The following KCNJ9 variants were observed in gnomAD, a reference collection of about 807,000 sequenced individuals.
KCNJ9 encodes potassium inwardly rectifying channel subfamily J member 9, also known as G protein-activated inward rectifier potassium channel 3.
Under a neutral mutation model 27.9 loss-of-function variants are expected in KCNJ9, and 18 were observed. The ratio of observed to expected loss-of-function variants is 0.65; its 90% CI spans 0.45 to 0.96. The LOEUF (loss-of-function observed/expected upper bound fraction) is 0.96, where lower values mean the gene tolerates loss of function less well. KCNJ9 is among the 40% of genes least tolerant of loss of function. The pLI, the probability that KCNJ9 is intolerant of heterozygous loss-of-function variation, is 0.00. For synonymous variants in KCNJ9, 229 were observed against 248.2 expected (o/e 0.92, Z 0.73); for missense variants, 324 against 557.5 (o/e 0.58, Z 4.22).
chr1:160,083,259 G>A (rs890016106), intron 1 of KCNJ9, among the ~76,000 whole-genome samples: 3 of 152,204 alleles, frequency 2.0e-5, no homozygotes, highest in Non-Finnish European at 4.4e-5. Flanking sequence ...AGGATTTCTA[G>A]TGGGAATTTC....
At chr1:160,085,415 G>A (rs1649759528) in intron 2 of KCNJ9, among the ~76,000 whole-genome samples, 1 of 152,214 alleles carries the variant, frequency 6.6e-6, no homozygotes, top group Non-Finnish European at 1.5e-5. Context: ...GAGGGGTTAG[G>A]TTCAGGGGTT....
In KCNJ9 at chr1:160,087,790, AC is replaced by A; in HGVS notation, c.1160del (p.Pro387GlnfsTer61). On this transcript the variant is annotated frameshift_variant, in exon 3 of 3. Coordinates refer to ENST00000368088, the MANE Select transcript of KCNJ9 (RefSeq NM_004983.3). LOFTEE classifies it high-confidence loss of function. ...ADKEQNGCLP[P>X]PESESKV ...ACAAGGAGCAGAATGGCTGCCTGCC[AC>A]CCCCAGAGAGTGAGTCCAAGGTGTG... 6.6e-7 allele frequency: 1 copy of A among 1,509,468 alleles called. No homozygotes were observed. The highest frequency in any genetic ancestry group is 8.9e-7 in the Non-Finnish European group (1 of 1,128,392). 93.5% of individuals were successfully genotyped at this position (1,509,468 alleles called of 1,614,324 possible). A position where few individuals can be genotyped will look rare whatever the true frequency, so the allele number is the denominator to read the frequency against.
Position 160,084,351 on chromosome 1 carries a change from C to A in KCNJ9, c.321C>A (p.Phe107Leu). 6.2e-7 allele frequency: 1 copy of A among 1,613,714 alleles called. No homozygotes were observed. Among genetic ancestry groups the A allele is most frequent in the Non-Finnish European group, 8.5e-7 (1 of 1,179,964 alleles). ...CGTGCGTCAACAACCTCAACGGCTT[C>A]GTGGCCGCCTTCCTCTTCTCCATCG... The part of the protein sequence containing the change: ...WTPCVNNLNG[F>L]VAAFLFSIET... Residue 107 changes from phenylalanine (F) to leucine (L), a missense_variant, in exon 2 of 3, where the codon TTC (phenylalanine) becomes TTA (leucine). By Grantham distance (22) the Phe-to-Leu change is conservative (BLOSUM62 0). Coordinates refer to ENST00000368088, the MANE Select transcript of KCNJ9 (RefSeq NM_004983.3).
chr1:160,088,026 G>A lies in KCNJ9; in HGVS notation c.*209G>A. ...CCTGATTTCAGGGAAATGGAGGGTG[G>A]GGCCGGGTGAAAATGCCAGTCTGTG... On this transcript the variant is annotated 3_prime_UTR_variant, in exon 3 of 3. Transcript: ENST00000368088. 1 of 442,772 alleles carries A rather than the reference G, an allele frequency of 2.3e-6. No homozygotes were observed. Among genetic ancestry groups the A allele is most frequent in the Non-Finnish European group, 3.9e-6 (1 of 259,018 alleles). 27.4% of individuals were successfully genotyped at this position (442,772 alleles called of 1,614,324 possible).
intron 2 of KCNJ9, among the ~76,000 whole-genome samples, chr1:160,087,247 A>G (rs1389091133): frequency 6.6e-6 from 1 of 152,174 alleles, no homozygotes; most frequent in Non-Finnish European, 1.5e-5. Flanking sequence ...TGGCATCACC[A>G]AATGACAGGA....
At position 160,081,625 on chromosome 1, in the gene KCNJ9, G is replaced by A. The variant is rs1649677225; in HGVS notation, c.-187G>A. 6.6e-6 allele frequency: 1 copy of A among 152,356 alleles called. No individual in the cohort carries two copies. The highest frequency in any genetic ancestry group is 1.5e-5 in the Non-Finnish European group (1 of 68,152). 9.4% of individuals were successfully genotyped at this position (152,356 alleles called of 1,614,324 possible). ...TCCCACCCTTCGGGGGGCCCGTGGG[G>A]GGGGCGGTGTCAGGGGCATGGACGC... On this transcript the variant is annotated 5_prime_UTR_variant, in exon 1 of 3. Transcript: ENST00000368088.
Position 160,084,234 on chromosome 1 carries a change from C to T in KCNJ9, c.204C>T (p.Tyr68=), listed in dbSNP as rs748206424. The T allele has an allele frequency of 6.2e-7, 1 of 1,613,406 alleles. No homozygotes were observed. The highest frequency in any genetic ancestry group is 1.7e-5 in the Admixed American group (1 of 60,000). The stretch of plus-strand genomic sequence containing the variant: ...GCCTGTTGTTCTTCGTCCTGGCCTA[C>T]GCGCTCACCTGGCTCTTCTTCGGCG... The part of the protein sequence containing the change: ...RLSLLFFVLA[Y]ALTWLFFGAI... Residue 68 remains tyrosine (Y), a synonymous_variant, in exon 2 of 3, where the codon TAC becomes TAT. Coordinates refer to ENST00000368088, the MANE Select transcript of KCNJ9 (RefSeq NM_004983.3).
chr1:160,084,798 C>A lies in KCNJ9; in HGVS notation c.768C>A (p.Pro256=). Reference sequence around the variant, plus strand: ...GCCACGAGATCGACGCCGCCAGCCCCTTCTGGGAGGCGTCGCGCCGTGCCC... The same window carrying A: ...GCCACGAGATCGACGCCGCCAGCCCATTCTGGGAGGCGTCGCGCCGTGCCC... The part of the protein sequence containing the change: ...VISHEIDAAS[P]FWEASRRALE... Residue 256 remains proline, a synonymous_variant, in exon 2 of 3, where the codon CCC becomes CCA. Transcript: ENST00000368088. 6.4e-7 allele frequency: 1 copy of A among 1,552,532 alleles called. No individual in the cohort carries two copies. Among genetic ancestry groups the A allele is most frequent in the Non-Finnish European group, 8.7e-7 (1 of 1,148,674 alleles).
intron 1 of KCNJ9, among the ~76,000 whole-genome samples, chr1:160,082,174 C>T (rs368677071): frequency 3.3e-5 from 5 of 152,310 alleles, no homozygotes; most frequent in African/African-American, 7.2e-5. Context: ...CTAGGCAAGC[C>T]GACTGGGGGT....
intron 1 of KCNJ9, among the ~76,000 whole-genome samples, chr1:160,083,368 GGAGT>G (rs1553238526): frequency 6.6e-6 from 1 of 152,180 alleles, no homozygotes; most frequent in Non-Finnish European, 1.5e-5. Context: ...GGAATGGAGC[GGAGT>G]GAGTGAGGTC....
At position 160,083,723 on chromosome 1, in the gene KCNJ9, G is replaced by A. The variant is rs538893379; in HGVS notation, c.-114-194G>A. On this transcript the variant is annotated intron_variant, in intron 1 of 2. Coordinates refer to ENST00000368088, the MANE Select transcript of KCNJ9 (RefSeq NM_004983.3). ...ACTTGCACAGTTCTATCCAGTTCAG[G>A]TACATCATTCCATTTGACCCTCACA... is the stretch of plus-strand genomic sequence containing the variant. 7.2e-5 allele frequency among the ~76,000 whole-genome samples: 11 copies of A among 152,294 alleles called. 1 individual carries two copies. The East Asian group carries it at 2.1e-3, about 29-fold the overall frequency.
chr1:160,083,242 C>G (rs1308707423), intron 1 of KCNJ9, among the ~76,000 whole-genome samples: 1 of 152,192 alleles, frequency 6.6e-6, no homozygotes, highest in East Asian at 1.9e-4. Context: ...GTGGGTAGGT[C>G]TCAGGGAGGA....
Position 160,087,740 on chromosome 1 carries a change from G to A in KCNJ9, c.1105G>A (p.Gly369Arg), listed in dbSNP as rs1649806777. Residue 369 changes from glycine to arginine, a missense_variant, in exon 3 of 3, where the codon GGG becomes AGG. Transcript: ENST00000368088. ...GGTGGAGGAGGAGGGGGCGGGGGAG[G>A]GGGCGGGTGGGGAAGCTGGGGCTGA... ...EKVEEEGAGE[G>R]AGGEAGADKE... 1 of 693,578 alleles carries A rather than the reference G, an allele frequency of 1.4e-6. No homozygotes were observed. The highest frequency in any genetic ancestry group is 2.1e-6 in the Non-Finnish European group (1 of 472,982). 43.0% of individuals were successfully genotyped at this position (693,578 alleles called of 1,614,324 possible). A position where few individuals can be genotyped will look rare whatever the true frequency, so the allele number is the denominator to read the frequency against.
chr1:160,088,295 T>G lies in KCNJ9; in HGVS notation c.*478T>G. On this transcript the variant is annotated 3_prime_UTR_variant, in exon 3 of 3. Coordinates refer to ENST00000368088, the MANE Select transcript of KCNJ9 (RefSeq NM_004983.3). Reference sequence around the variant, plus strand: ...GGTGCATGGCTTGGGGAGCAGAGTATAGGATGGATTGCAGTCCCCAGTCAC... The same window carrying G: ...GGTGCATGGCTTGGGGAGCAGAGTAGAGGATGGATTGCAGTCCCCAGTCAC... 6.5e-6 allele frequency: 1 copy of G among 152,926 alleles called. No homozygotes were observed. Among genetic ancestry groups the G allele is most frequent in the Non-Finnish European group, 1.5e-5 (1 of 68,640 alleles). 9.5% of individuals were successfully genotyped at this position (152,926 alleles called of 1,614,324 possible).
intron 2 of KCNJ9, 135 bp from the exon 3 acceptor site, chr1:160,087,351 T>G: frequency 7.7e-7 from 1 of 1,293,888 alleles, no homozygotes; most frequent in South Asian, 2.2e-5. Context: ...GGGGGGGAAA[T>G]GGACTGGACC....
At position 160,087,917 on chromosome 1, in the gene KCNJ9, C is replaced by G. The variant is rs1649812495; in HGVS notation, c.*100C>G. ...TGGAGGAGGAGGAGGAGGAGGAAGG[C>G]AAAGCCCCTGGAAATGTGCTAAAGT... On this transcript the variant is annotated 3_prime_UTR_variant, in exon 3 of 3. Coordinates refer to ENST00000368088, the MANE Select transcript of KCNJ9 (RefSeq NM_004983.3). 15 of 1,178,806 alleles carry G rather than the reference C, an allele frequency of 1.3e-5. No individual in the cohort carries two copies. The East Asian group carries it at 4.3e-4, about 33-fold the overall frequency. The allele number at this position is 1,178,806 out of a possible 1,614,324, so 73.0% of individuals were successfully genotyped here. A position where few individuals can be genotyped will look rare whatever the true frequency, so the allele number is the denominator to read the frequency against.
At position 160,087,662 on chromosome 1, in the gene KCNJ9, G is replaced by A. The variant is rs758510729; in HGVS notation, c.1027G>A (p.Ala343Thr). The A allele has an allele frequency of 4.3e-5, 64 of 1,501,870 alleles. 1 individual carries two copies. In the African/African-American group the frequency reaches 6.8e-4, roughly 16 times the overall value. The allele number at this position is 1,501,870 out of a possible 1,614,324, so 93.0% of individuals were successfully genotyped here. The change falls in exon 3 of 3, where the codon GCC becomes ACC. Residue 343 changes from alanine (A) to threonine (T), a missense_variant. Physicochemically the swap from Ala to Thr is moderately conservative, Grantham distance 58. Coordinates refer to ENST00000368088, the MANE Select transcript of KCNJ9 (RefSeq NM_004983.3). ...TGCTCGAGAGCTGGCAGAGGCTGCC[G>A]CCCGCCTTGATGCCCATCTCTACTG... is the stretch of plus-strand genomic sequence containing the variant. The part of the protein sequence containing the change: ...CSARELAEAA[A>T]RLDAHLYWSI...
At chr1:160,085,019 C>A in intron 2 of KCNJ9, 139 bp downstream of exon 2, 1 of 1,021,324 alleles carries the variant, frequency 9.8e-7, no homozygotes, top group Non-Finnish European at 1.4e-6. Context: ...TGAGGTGAGA[C>A]AGGGGTCGGA....
intron 2 of KCNJ9, 83 bp from the exon 3 acceptor site, chr1:160,087,403 T>G: frequency 2.1e-6 from 3 of 1,455,288 alleles, no homozygotes; most frequent in South Asian, 2.9e-5. Flanking sequence ...GAAGGGAGGG[T>G]GCTGGGAGTA....
Sources: gnomAD v4.1 joint callset for allele counts (sites outside exome capture counted in the v4.1 genomes callset) on GRCh38, gnomAD v4.1.1 for gene constraint, MANE v1.5 for transcripts, NCBI Gene and HGNC (gene_info 2026-07-23, HGNC 2026-07-21) for gene names.